MYO18A: variants seen among roughly 807,000 people sequenced by gnomAD.
MYO18A encodes the protein myosin XVIIIA.
A neutral mutation model predicts 235.8 loss-of-function variants in MYO18A; 78 were observed. The observed-to-expected ratio is 0.33, with a 90% CI of 0.28 to 0.40. MYO18A has a LOEUF of 0.40. Among genes scored for constraint, MYO18A ranks in the 10% least tolerant of loss-of-function variants. The pLI, the probability that MYO18A is intolerant of heterozygous loss-of-function variation, is 1.00. For missense variants in MYO18A, 2,215 were observed against 2,699.3 expected (o/e 0.82, Z 3.98); for synonymous variants, 977 against 1,077.8 (o/e 0.91, Z 1.83).
chr17:29,110,672 C>T (rs769673382), intron 17 of MYO18A, 50 bp from the exon 18 acceptor site: 26 of 1,542,120 alleles, frequency 1.7e-5, no homozygotes, highest in Admixed American at 1.1e-4. Context: ...ATCGATGGAG[C>T]GGGAAAGGCC....
At position 29,099,704 on chromosome 17, in the gene MYO18A, C is replaced by A; in HGVS notation, c.3566G>T (p.Ser1189Ile). ...TGCTTGGAACAGGGTTAGGTTCCTG[C>A]TGGTTTGTTCATCCCGCTGCTCCTC... ...RLEEQRDEQTSRNLTLFQAAC... is the reference protein window; with the variant it reads ...RLEEQRDEQTIRNLTLFQAAC... The change falls in exon 22 of 42, where the codon AGC becomes ATC. Residue 1189 changes from serine (S) to isoleucine (I), a missense_variant. Coordinates refer to ENST00000527372, the MANE Select transcript of MYO18A (RefSeq NM_078471.4). 6.2e-7 allele frequency: 1 copy of A among 1,613,700 alleles called. No homozygotes were observed. Among genetic ancestry groups the A allele is most frequent in the Non-Finnish European group, 8.5e-7 (1 of 1,179,862 alleles).
At chr17:29,172,656 A>T (rs1232757084) in intron 1 of MYO18A, among the ~76,000 whole-genome samples, 1 of 152,202 alleles carries the variant, frequency 6.6e-6, no homozygotes, top group Admixed American at 6.5e-5. Context: ...ACCTAATAGT[A>T]GCAGGGCACA....
intron 27 of MYO18A, 86 bp downstream of exon 27, chr17:29,097,137 G>A (rs1449453157): frequency 1.3e-6 from 2 of 1,553,880 alleles, no homozygotes; most frequent in East Asian, 2.3e-5. Context: ...AGGCCTGCCT[G>A]CCCCCAGAGT....
intron 2 of MYO18A, among the ~76,000 whole-genome samples, chr17:29,152,376 C>T (rs1460994063): frequency 6.6e-6 from 1 of 152,154 alleles, no homozygotes; most frequent in Admixed American, 6.5e-5. Context: ...GTCTTGCCAT[C>T]AGCTAAGAAT....
chr17:29,120,887 CG>C lies in MYO18A; in HGVS notation c.1585+110del. ...GAACTGCCCGTGGACAGAGGGGTTT[CG>C]GGGGGATGGAAAGGCCAGGGAGAAA... On this transcript the variant is annotated intron_variant, in intron 6 of 41. Transcript: ENST00000527372. This position sits in a 1 kb window ranked among gnomAD's most constrained non-coding sequence, Gnocchi z 4.2. 1 of 1,557,878 alleles carries C rather than the reference CG, an allele frequency of 6.4e-7. No homozygotes were observed.
rs190212404 is a variant in MYO18A, at chr17:29,121,307, C to T, written c.1372-96G>A. On this transcript the variant is annotated intron_variant, in intron 5 of 41. Transcript: ENST00000527372. The surrounding 1 kb of genome is among the most constrained non-coding windows in gnomAD (Gnocchi z 4.2). ...AAGGTCCACATCTTTCTGGATTTTC[C>T]CTCCTGTAGTGCCCAGGGATTCCAA... is the stretch of plus-strand genomic sequence containing the variant. 2.5e-4 allele frequency: 343 copies of T among 1,381,362 alleles called. 1 individual carries two copies. In the African/African-American group the frequency reaches 4.2e-3, roughly 17 times the overall value. The allele number at this position is 1,381,362 out of a possible 1,614,324, so 85.6% of individuals were successfully genotyped here.
intron 39 of MYO18A, among the ~76,000 whole-genome samples, chr17:29,086,097 C>T (rs60616188): frequency 0.19 from 29,144 of 152,264 alleles, 3,346 homozygotes; most frequent in East Asian, 0.55. Flanking sequence ...GGCATAGTAA[C>T]AAGGCACCAC....
intron 2 of MYO18A, among the ~76,000 whole-genome samples, chr17:29,154,931 A>G (rs1175644520): frequency 6.6e-6 from 1 of 152,148 alleles, no homozygotes; most frequent in East Asian, 1.9e-4. Context: ...AGAACTAACC[A>G]CACAAGGAGA....
intron 1 of MYO18A, among the ~76,000 whole-genome samples, chr17:29,177,749 G>C (rs560988899): frequency 6.6e-6 from 1 of 152,270 alleles, no homozygotes; most frequent in East Asian, 1.9e-4. Flanking sequence ...CAACCAGCCA[G>C]AGCCCCTCAG....
At chr17:29,172,459 T>C (rs1454257861) in intron 1 of MYO18A, among the ~76,000 whole-genome samples, 2 of 149,542 alleles carry the variant, frequency 1.3e-5, no homozygotes, top group African/African-American at 2.5e-5. Flanking sequence ...AACAAGACTC[T>C]GTCTAAAAAA....
At chr17:29,093,673 T>C (rs767425156) in intron 31 of MYO18A, among the ~76,000 whole-genome samples, 2 of 151,874 alleles carry the variant, frequency 1.3e-5, no homozygotes, top group Non-Finnish European at 2.9e-5. Flanking sequence ...CCTTGCCGCA[T>C]GGTGGAGACC....
intron 31 of MYO18A, 26 bp from the exon 32 acceptor site, chr17:29,093,453 C>T (rs752309946): frequency 4.5e-6 from 7 of 1,571,780 alleles, no homozygotes; most frequent in Admixed American, 3.4e-5. Context: ...GACAGAGACC[C>T]GTCCGTCCCT....
chr17:29,130,048 G>A (rs1350735839), intron 2 of MYO18A, among the ~76,000 whole-genome samples: 3 of 152,148 alleles, frequency 2.0e-5, no homozygotes, highest in Non-Finnish European at 4.4e-5. Flanking sequence ...TGTAATCCTA[G>A]CACTTTGCGA....
chr17:29,148,594 G>T (rs1374537991), intron 2 of MYO18A, among the ~76,000 whole-genome samples: 1 of 150,158 alleles, frequency 6.7e-6, no homozygotes, highest in African/African-American at 2.5e-5. Context: ...GTGTGTGTGT[G>T]TGTGTGTGTG....
At chr17:29,085,216 T>C (rs2066223236) in intron 40 of MYO18A, among the ~76,000 whole-genome samples, 2 of 152,322 alleles carry the variant, frequency 1.3e-5, no homozygotes, top group Admixed American at 6.5e-5. Flanking sequence ...CCCAAGGATG[T>C]GGACAGATCC....
At chr17:29,092,706 G>C (rs2066426769) in intron 33 of MYO18A, 149 bp downstream of exon 33, 1 of 1,138,880 alleles carries the variant, frequency 8.8e-7, no homozygotes, top group Admixed American at 2.0e-5. Context: ...AGAGCCTGGG[G>C]AGTCTAGCTG....
chr17:29,177,019 A>G (rs1341318781), intron 1 of MYO18A, among the ~76,000 whole-genome samples: 1 of 152,178 alleles, frequency 6.6e-6, no homozygotes, highest in Non-Finnish European at 1.5e-5. Flanking sequence ...CTGCTCTTCC[A>G]GGTGCACCGC....
chr17:29,127,049 G>A (rs934198269), intron 2 of MYO18A, among the ~76,000 whole-genome samples: 42 of 152,284 alleles, frequency 2.8e-4, no homozygotes, highest in African/African-American at 9.1e-4. Context: ...CACTATCAAC[G>A]CTACCATTTA....
Position 29,154,121 on chromosome 17 carries a change from T to TGTGTGTGTGTGTGTGTGTGCGC in MYO18A, c.999+11820_999+11821insGCGCACACACACACACACACAC, listed in dbSNP as rs142430455. On this transcript the variant is annotated intron_variant, in intron 2 of 41. Coordinates refer to ENST00000527372, the MANE Select transcript of MYO18A (RefSeq NM_078471.4). ...TGCAGAGTGTGTGTGTGTGTGTGTG[T>TGTGTGTGTGTGTGTGTGTGCGC]GCGCGCGCGTGCGTGTGTATGTGGC... Among the ~76,000 whole-genome samples the TGTGTGTGTGTGTGTGTGTGCGC allele has an allele frequency of 4.7e-5, 7 of 149,108 alleles. No individual in the cohort carries two copies. In the East Asian group the frequency reaches 1.2e-3, roughly 26 times the overall value.
Sources: gnomAD v4.1 joint callset for allele counts (sites outside exome capture counted in the v4.1 genomes callset) on GRCh38, gnomAD v4.1.1 for gene constraint, Gnocchi (gnomAD v3.1) non-coding constraint, MANE v1.5 for transcripts, NCBI Gene and HGNC (gene_info 2026-07-23, HGNC 2026-07-21) for gene names.